The following PAX7 variants were observed in gnomAD, a reference collection of about 807,000 sequenced individuals.
PAX7 encodes the protein paired box 7.
In PAX7, 18 loss-of-function variants were observed where a neutral mutation model predicts 50.7. The ratio of observed to expected loss-of-function variants is 0.36; its 90% CI spans 0.25 to 0.53. The LOEUF (loss-of-function observed/expected upper bound fraction) is 0.53, where lower values mean the gene tolerates loss of function less well. PAX7 is among the 20% of genes least tolerant of loss of function. The pLI is 0.93. For synonymous variants in PAX7, 310 were observed against 290.4 expected (o/e 1.07, Z -0.69); for missense variants, 644 against 702.9 (o/e 0.92, Z 0.95).
chr1:18,690,646 C>A (rs965727170), intron 4 of PAX7, among the ~76,000 whole-genome samples: 1 of 152,218 alleles, frequency 6.6e-6, no homozygotes, highest in Non-Finnish European at 1.5e-5. Context: ...CTGACTCCAA[C>A]CTTCTGGGCT....
At chr1:18,713,492 T>C (rs925542345) in intron 7 of PAX7, among the ~76,000 whole-genome samples, 5 of 152,212 alleles carry the variant, frequency 3.3e-5, no homozygotes, top group Admixed American at 1.3e-4. Context: ...GCTGATCATG[T>C]GGTTTGCACT....
chr1:18,650,015 T>C lies in PAX7; in HGVS notation c.586+13644T>C, dbSNP rs190129397. On this transcript the variant is annotated intron_variant, in intron 4 of 8. Coordinates refer to ENST00000420770, the MANE Select transcript of PAX7 (RefSeq NM_001135254.2). ...AGCTGTAATACTCTGGGCGTGTGTT[T>C]AGTGGAGGGGAAGCAGTGAAAAAAC... Among the ~76,000 whole-genome samples the C allele has an allele frequency of 4.1e-3, 622 of 152,246 alleles. 4 individuals carry two copies. Among genetic ancestry groups the C allele is most frequent in the African/African-American group, 0.013 (555 of 41,554 alleles).
Position 18,735,818 on chromosome 1 carries a change from AG to A in PAX7, c.1343del (p.Ser448ThrfsTer30), listed in dbSNP as rs2100406158. On this transcript the variant is annotated frameshift_variant, in exon 8 of 9. Coordinates refer to ENST00000420770, the MANE Select transcript of PAX7 (RefSeq NM_001135254.2). LOFTEE classifies it high-confidence loss of function. The surrounding 1 kb of genome is among the most constrained non-coding windows in gnomAD (Gnocchi z 4.0). ...TSQAYCPPTY[S>X]TTGYSVDPVA... is the part of the protein sequence containing the mutation. ...CCAGGCCTACTGCCCACCCACCTAC[AG>A]CACCACCGGCTACAGCGTGGACCCC... 6.2e-7 allele frequency: 1 copy of A among 1,614,018 alleles called. No homozygotes were observed.
intron 4 of PAX7, among the ~76,000 whole-genome samples, chr1:18,650,966 C>A (rs1214003205): frequency 6.6e-6 from 1 of 152,110 alleles, no homozygotes; most frequent in Non-Finnish European, 1.5e-5. Flanking sequence ...CATGGATGGT[C>A]TCCCAGACAC....
intron 7 of PAX7, among the ~76,000 whole-genome samples, chr1:18,706,076 T>C (rs1473733149): frequency 6.6e-6 from 1 of 151,704 alleles, no homozygotes; most frequent in Non-Finnish European, 1.5e-5. Flanking sequence ...AGGGCGGGAG[T>C]TTCTGGGTCT....
rs1553136162 is a variant in PAX7 at position 18,662,564 on chromosome 1, G to GT, written c.586+26196dup. The stretch of plus-strand genomic sequence containing the variant: ...ATTAGTTCTAGTTTTTTGTTTGTTT[G>GT]TTTGTTTTGTTTTGTTTTTGTTTTG... On this transcript the variant is annotated intron_variant, in intron 4 of 8. Transcript: ENST00000420770. Among the ~76,000 whole-genome samples, 634 of 151,978 alleles carry GT rather than the reference G, an allele frequency of 4.2e-3. 1 individual carries two copies. Among genetic ancestry groups the GT allele is most frequent in the African/African-American group, 0.014 (595 of 41,486 alleles).
At chr1:18,691,361 C>T (rs2743208) in intron 4 of PAX7, among the ~76,000 whole-genome samples, 131,766 of 152,220 alleles carry the variant, frequency 0.87, 57,177 homozygotes, top group Non-Finnish European at 0.89. Flanking sequence ...TACAGCTCTA[C>T]GGATTTTGTC....
intron 4 of PAX7, among the ~76,000 whole-genome samples, chr1:18,654,433 C>G (rs1232504533): frequency 6.6e-6 from 1 of 152,160 alleles, no homozygotes; most frequent in Non-Finnish European, 1.5e-5. Flanking sequence ...GAACCCAGCT[C>G]CAACACCGTT....
rs1240730636 is a variant in PAX7, at chr1:18,735,476, G to A, written c.1156-156G>A. ...GCAGCCATCCCATGCATGAGGGCACGCAAATCAGGTAAACTGAGGACCTCG... is the reference window on the plus strand; with the variant it reads ...GCAGCCATCCCATGCATGAGGGCACACAAATCAGGTAAACTGAGGACCTCG... On this transcript the variant is annotated intron_variant, in intron 7 of 8. Coordinates refer to ENST00000420770, the MANE Select transcript of PAX7 (RefSeq NM_001135254.2). The surrounding 1 kb of genome is among the most constrained non-coding windows in gnomAD (Gnocchi z 4.0). Among the ~76,000 whole-genome samples, 4 of 152,162 alleles carry A rather than the reference G, an allele frequency of 2.6e-5. No homozygotes were observed. The highest frequency in any genetic ancestry group is 6.5e-5 in the Admixed American group (1 of 15,288).
At chr1:18,689,355 G>T (rs2089033953) in intron 4 of PAX7, among the ~76,000 whole-genome samples, 1 of 152,156 alleles carries the variant, frequency 6.6e-6, no homozygotes, top group African/African-American at 2.4e-5. Context: ...GATGGCAGCT[G>T]TGCCCACTGT....
intron 4 of PAX7, among the ~76,000 whole-genome samples, chr1:18,685,116 G>A (rs1455482806): frequency 3.9e-5 from 6 of 152,194 alleles, no homozygotes; most frequent in African/African-American, 1.2e-4. Context: ...AGCCATATTG[G>A]CCTTCTCCGG....
intron 4 of PAX7, among the ~76,000 whole-genome samples, chr1:18,669,175 G>A (rs1411963278): frequency 6.6e-6 from 1 of 152,172 alleles, no homozygotes; most frequent in Non-Finnish European, 1.5e-5. Flanking sequence ...CTTCCTGCCT[G>A]CTAGATGCTG....
At position 18,631,174 on chromosome 1, in the gene PAX7, G is replaced by T; in HGVS notation, c.-430G>T. 1 of 237,782 alleles carries T rather than the reference G, an allele frequency of 4.2e-6. No individual in the cohort carries two copies. Among genetic ancestry groups the T allele is most frequent in the East Asian group, 6.0e-5 (1 of 16,636 alleles). The allele number at this position is 237,782 out of a possible 1,614,324, so 14.7% of individuals were successfully genotyped here. On this transcript the variant is annotated 5_prime_UTR_variant, in exon 1 of 9. Coordinates refer to ENST00000420770, the MANE Select transcript of PAX7 (RefSeq NM_001135254.2). Reference sequence around the variant, plus strand: ...GCCCCGAGCGCCAGAGCGCCAGAGCGCGAGAGCGCGGCGCTCGCCACTCTG... The same window carrying T: ...GCCCCGAGCGCCAGAGCGCCAGAGCTCGAGAGCGCGGCGCTCGCCACTCTG...
intron 7 of PAX7, among the ~76,000 whole-genome samples, chr1:18,716,001 C>T (rs2743196): frequency 0.01 from 1,589 of 152,244 alleles, 32 homozygotes; most frequent in African/African-American, 0.036. Context: ...TCTTGTCCCC[C>T]ACTCTAGGTT....
chr1:18,677,429 G>A (rs1215878688), intron 4 of PAX7, among the ~76,000 whole-genome samples: 1 of 152,190 alleles, frequency 6.6e-6, no homozygotes, highest in Non-Finnish European at 1.5e-5. Flanking sequence ...GAGACCCCTA[G>A]TTCCTGTTGC....
At chr1:18,734,317 C>T (rs2089684592) in intron 7 of PAX7, among the ~76,000 whole-genome samples, 1 of 152,108 alleles carries the variant, frequency 6.6e-6, no homozygotes, top group Non-Finnish European at 1.5e-5. Context: ...GGTCTTCCTC[C>T]CATAAAGGGC....
intron 8 of PAX7, chr1:18,736,181 C>T (rs940025133): frequency 2.0e-5 from 12 of 601,496 alleles, no homozygotes; most frequent in Non-Finnish European, 2.9e-6. Flanking sequence ...TAAGAAGAAA[C>T]AGGCCAGGCG....
intron 4 of PAX7, among the ~76,000 whole-genome samples, chr1:18,674,104 A>G (rs759901015): frequency 2.0e-5 from 3 of 152,254 alleles, no homozygotes; most frequent in Non-Finnish European, 4.4e-5. Context: ...ATCTGGCCAT[A>G]TAGGAGGACG....
rs140400847 is a variant in PAX7, at chr1:18,739,858, C to T, written c.1402+3980C>T. ...GGATGGGGCACATGGCAGATTAATA[C>T]GGCCCTGGTGTTCCCAGAGGCCAGG... On this transcript the variant is annotated intron_variant, in intron 8 of 8. Coordinates refer to ENST00000420770, the MANE Select transcript of PAX7 (RefSeq NM_001135254.2). Among the ~76,000 whole-genome samples the T allele has an allele frequency of 1.2e-4, 19 of 152,300 alleles. No individual in the cohort carries two copies. The East Asian group carries it at 2.7e-3, about 22-fold the overall frequency.
Sources: gnomAD v4.1 joint callset for allele counts (sites outside exome capture counted in the v4.1 genomes callset) on GRCh38, gnomAD v4.1.1 for gene constraint, Gnocchi (gnomAD v3.1) non-coding constraint, MANE v1.5 for transcripts, NCBI Gene and HGNC (gene_info 2026-07-23, HGNC 2026-07-21) for gene names.